DNAJC24: variants seen among roughly 807,000 people sequenced by gnomAD.
DNAJC24 encodes dnaJ homolog subfamily C member 24.
Under a neutral mutation model 18.0 loss-of-function variants are expected in DNAJC24, and 17 were observed. That is an observed-to-expected ratio of 0.94 (90% CI 0.65 to 1.42). The LOEUF is 1.42. Ranked by LOEUF, DNAJC24 falls within the 40% of genes most tolerant of loss-of-function variation. DNAJC24 has a pLI of 0.00. For missense variants in DNAJC24, 158 were observed against 175.6 expected, an observed-to-expected ratio of 0.90 and a Z score of 0.57; for synonymous variants, 55 against 57.7, an observed-to-expected ratio of 0.95 and a Z score of 0.21.
At chr11:31,428,562 G>C (rs113163692) in intron 4 of DNAJC24, among the ~76,000 whole-genome samples, 70 of 152,240 alleles carry the variant, frequency 4.6e-4, no homozygotes, top group Middle Eastern at 3.4e-3. Context: ...TGAAGCTCCA[G>C]AACAGGAGAA....
At chr11:31,403,704 C>G (rs1270687167) in intron 2 of DNAJC24, among the ~76,000 whole-genome samples, 3 of 152,138 alleles carry the variant, frequency 2.0e-5, no homozygotes, top group African/African-American at 7.2e-5. Flanking sequence ...CCAGCAGATT[C>G]ATTTGGTGGT....
chr11:31,370,644 C>A, intron 1 of DNAJC24, 72 bp from the exon 2 acceptor site: 1 of 603,914 alleles, frequency 1.7e-6, no homozygotes, highest in Non-Finnish European at 2.8e-6. Flanking sequence ...AAAGAATTTA[C>A]AAGGGCAGTA....
chr11:31,377,331 A>C (rs1474559900), intron 2 of DNAJC24, among the ~76,000 whole-genome samples: 4 of 152,056 alleles, frequency 2.6e-5, no homozygotes. Flanking sequence ...GATTCTGAAA[A>C]AATTCTTACT....
chr11:31,394,352 A>G (rs1441247187), intron 2 of DNAJC24, among the ~76,000 whole-genome samples: 1 of 152,106 alleles, frequency 6.6e-6, no homozygotes, highest in African/African-American at 2.4e-5. Context: ...GTTTTTCACC[A>G]CTCTGCACAT....
intron 2 of DNAJC24, among the ~76,000 whole-genome samples, chr11:31,379,400 C>A (rs919216751): frequency 6.6e-6 from 1 of 152,166 alleles, no homozygotes. Context: ...ACCATACTCC[C>A]TACACCCCCA....
chr11:31,379,594 T>C (rs1301308144), intron 2 of DNAJC24, among the ~76,000 whole-genome samples: 2 of 152,180 alleles, frequency 1.3e-5, no homozygotes, highest in Admixed American at 6.5e-5. Context: ...GAACAATTAA[T>C]TGAGACTGCA....
intron 2 of DNAJC24, among the ~76,000 whole-genome samples, chr11:31,413,553 C>T (rs1420028907): frequency 4.6e-5 from 7 of 151,832 alleles, no homozygotes; most frequent in Admixed American, 3.9e-4. Context: ...AGGATGGTCT[C>T]GATCTCCTGA....
intron 2 of DNAJC24, among the ~76,000 whole-genome samples, chr11:31,394,115 A>G (rs1420846912): frequency 1.3e-5 from 2 of 152,180 alleles, no homozygotes; most frequent in Non-Finnish European, 2.9e-5. Flanking sequence ...TGTTTTCCCC[A>G]TAAGGCACAT....
chr11:31,422,293 C>G (rs914181711), intron 3 of DNAJC24, among the ~76,000 whole-genome samples: 1 of 152,076 alleles, frequency 6.6e-6, no homozygotes, highest in African/African-American at 2.4e-5. Flanking sequence ...CTTAATGTTC[C>G]TAGATACCTC....
At chr11:31,423,277 T>C (rs369711440) in intron 3 of DNAJC24, among the ~76,000 whole-genome samples, 3 of 152,188 alleles carry the variant, frequency 2.0e-5, no homozygotes, top group African/African-American at 7.2e-5. Context: ...TTTTTTGTTT[T>C]CGAGACGGAG....
chr11:31,379,208 C>T (rs1591899519), intron 2 of DNAJC24, among the ~76,000 whole-genome samples: 1 of 152,096 alleles, frequency 6.6e-6, no homozygotes, highest in Non-Finnish European at 1.5e-5. Flanking sequence ...GCAGGTGGTG[C>T]GGAGCCAGTG....
chr11:31,386,524 G>A (rs1207505823), intron 2 of DNAJC24, among the ~76,000 whole-genome samples: 1 of 152,136 alleles, frequency 6.6e-6, no homozygotes, highest in East Asian at 2.0e-4. Flanking sequence ...CTGCCTTGAA[G>A]GGAAGGATCC....
At chr11:31,407,425 T>C in intron 2 of DNAJC24, 1 of 151,982 alleles carries the variant, frequency 6.6e-6, no homozygotes, top group South Asian at 2.1e-4. Flanking sequence ...AAAATATCAT[T>C]TGGAGCTAAT....
chr11:31,380,767 T>C (rs573440617), intron 2 of DNAJC24, among the ~76,000 whole-genome samples: 3 of 152,304 alleles, frequency 2.0e-5, no homozygotes, highest in East Asian at 1.9e-4. Context: ...TATCAAGATA[T>C]AGAACATTTT....
chr11:31,429,692 C>T (rs746031376), intron 4 of DNAJC24: 9 of 193,138 alleles, frequency 4.7e-5, no homozygotes, highest in African/African-American at 7.0e-5. Flanking sequence ...AACACACACA[C>T]ACATACCCCC....
intron 2 of DNAJC24, among the ~76,000 whole-genome samples, chr11:31,400,936 C>T (rs1367885245): frequency 6.6e-6 from 1 of 152,100 alleles, no homozygotes; most frequent in East Asian, 1.9e-4. Flanking sequence ...TCAGAGTGAA[C>T]AGGCAACCTA....
chr11:31,395,469 A>T (rs1215821618), intron 2 of DNAJC24, among the ~76,000 whole-genome samples: 2 of 152,324 alleles, frequency 1.3e-5, no homozygotes, highest in South Asian at 4.1e-4. Context: ...AGGAACCACC[A>T]AACTGCTTTC....
intron 2 of DNAJC24, among the ~76,000 whole-genome samples, chr11:31,378,241 T>A (rs961815910): frequency 6.6e-6 from 1 of 152,150 alleles, no homozygotes; most frequent in African/African-American, 2.4e-5. Flanking sequence ...CTGGAAGATA[T>A]AACTTGTCTT....
Position 31,370,722 on chromosome 11 carries a change from T to G in DNAJC24, c.-27T>G. 2 of 1,493,302 alleles carry G rather than the reference T, an allele frequency of 1.3e-6. No individual in the cohort carries two copies. The highest frequency in any genetic ancestry group is 1.8e-6 in the Non-Finnish European group (2 of 1,089,750). The allele number at this position is 1,493,302 out of a possible 1,614,324, so 92.5% of individuals were successfully genotyped here. ...CATTAATATTTCTATTCAGCTAATC[T>G]GAGAAGGCCCACTTCTGGTTCCATG... is the stretch of plus-strand genomic sequence containing the variant. On this transcript the variant is annotated 5_prime_UTR_variant, in exon 2 of 5. Coordinates refer to ENST00000465995, the MANE Select transcript of DNAJC24 (RefSeq NM_181706.5).
Sources: allele counts gnomAD v4.1 joint callset (sites outside exome capture counted in the v4.1 genomes callset), GRCh38; gene constraint gnomAD v4.1.1; transcripts MANE v1.5; gene names NCBI Gene and HGNC (gene_info 2026-07-23, HGNC 2026-07-21).